Variants in SGCZ observed in about 807,000 individuals in gnomAD.
SGCZ encodes sarcoglycan zeta.
In SGCZ, 40 loss-of-function variants were observed where a neutral mutation model predicts 41.3. The observed-to-expected ratio is 0.97, with a 90% confidence interval of 0.75 to 1.26. The LOEUF (loss-of-function observed/expected upper bound fraction) is 1.26. Ranked by LOEUF, SGCZ falls within the 50% of genes most tolerant of loss-of-function variation. The pLI is 0.00. For synonymous variants in SGCZ, 206 were observed against 137.5 expected, an observed-to-expected ratio of 1.50 and a Z score of -3.49; for missense variants, 552 against 369.8, an observed-to-expected ratio of 1.49 and a Z score of -4.04.
At chr8:14,589,827 T>C (rs1170141660) in intron 1 of SGCZ, among the ~76,000 whole-genome samples, 1 of 152,182 alleles carries the variant, frequency 6.6e-6, no homozygotes, top group Non-Finnish European at 1.5e-5. Flanking sequence ...TTTATGTATG[T>C]GGAAATTAAG....
chr8:14,714,763 C>T (rs1228641732), intron 1 of SGCZ, among the ~76,000 whole-genome samples: 1 of 151,864 alleles, frequency 6.6e-6, no homozygotes, highest in Non-Finnish European at 1.5e-5. Context: ...AAGTGGTAAG[C>T]AGCTATATAT....
chr8:14,601,894 G>C (rs1034158334), intron 1 of SGCZ, among the ~76,000 whole-genome samples: 2 of 152,166 alleles, frequency 1.3e-5, no homozygotes, highest in African/African-American at 4.8e-5. Context: ...GCCGAGGCGG[G>C]CGGATCACGA....
At chr8:14,346,328 A>G (rs1359215847) in intron 2 of SGCZ, among the ~76,000 whole-genome samples, 1 of 152,120 alleles carries the variant, frequency 6.6e-6, no homozygotes, top group Non-Finnish European at 1.5e-5. Flanking sequence ...GAGATAAAAT[A>G]TACATTAGGA....
At chr8:14,165,830 C>T (rs371371471) in intron 4 of SGCZ, among the ~76,000 whole-genome samples, 4 of 152,020 alleles carry the variant, frequency 2.6e-5, no homozygotes, top group Admixed American at 6.6e-5. Context: ...GGAGATGTGT[C>T]GCTTCTAGTA....
chr8:14,517,613 T>C (rs1208586751), intron 2 of SGCZ, among the ~76,000 whole-genome samples: 1 of 152,156 alleles, frequency 6.6e-6, no homozygotes, highest in African/African-American at 2.4e-5. Context: ...AGTTTAGAAA[T>C]TATTACAAAA....
At chr8:15,050,972 T>G (rs549251525) in intron 1 of SGCZ, among the ~76,000 whole-genome samples, 1 of 152,206 alleles carries the variant, frequency 6.6e-6, no homozygotes, top group Non-Finnish European at 1.5e-5. Context: ...CCATTTGTAA[T>G]GTGTTGCAAA....
intron 1 of SGCZ, among the ~76,000 whole-genome samples, chr8:14,702,731 T>TGATAGATACATAGATA (rs1554483736): frequency 2.5e-4 from 23 of 91,200 alleles, no homozygotes; most frequent in African/African-American, 8.2e-4. Flanking sequence ...CTGGCTTCAA[T>TGATAGATACATAGATA]GATAGATAGA....
intron 3 of SGCZ, among the ~76,000 whole-genome samples, chr8:14,250,710 A>G (rs564886353): frequency 1.3e-5 from 2 of 152,200 alleles, no homozygotes; most frequent in South Asian, 4.2e-4. Flanking sequence ...ATCGTTTGTT[A>G]TTGGAGTTGG....
At chr8:14,945,665 A>G (rs997748843) in intron 1 of SGCZ, among the ~76,000 whole-genome samples, 6 of 148,980 alleles carry the variant, frequency 4.0e-5, no homozygotes, top group Non-Finnish European at 6.0e-5. Flanking sequence ...GAGATCTACA[A>G]TCAATGTGGG....
intron 1 of SGCZ, among the ~76,000 whole-genome samples, chr8:14,592,940 A>T (rs1805286223): frequency 6.6e-6 from 1 of 152,198 alleles, no homozygotes; most frequent in Non-Finnish European, 1.5e-5. Context: ...GATATTTCAG[A>T]CATCAGTTTC....
rs1585072231 is a variant in SGCZ at position 14,551,571 on chromosome 8, T to TATATA, written c.234+3156_234+3160dup. On this transcript the variant is annotated intron_variant, in intron 2 of 7. Transcript: ENST00000382080. ...TATATAATATATATTATATATATAA[T>TATATA]ATATATATAATATATATAATATATA... Among the ~76,000 whole-genome samples the TATATA allele has an allele frequency of 7.3e-3, 117 of 16,088 alleles. 7 individuals carry two copies. Among genetic ancestry groups the TATATA allele is most frequent in the East Asian group, 0.02 (6 of 298 alleles). The allele number at this position is 16,088 out of a possible 152,430, so 10.6% of individuals were successfully genotyped here. A position where few individuals can be genotyped will look rare whatever the true frequency, so the allele number is the denominator to read the frequency against.
chr8:14,458,993 G>C (rs1800825928), intron 2 of SGCZ, among the ~76,000 whole-genome samples: 1 of 152,242 alleles, frequency 6.6e-6, no homozygotes, highest in African/African-American at 2.4e-5. Context: ...ACTTGACAGA[G>C]ATTTCATTTG....
chr8:14,085,814 A>G lies in SGCZ; in HGVS notation c.*4629T>C, dbSNP rs1801507767. ...TTTATACAACTCAGGATCCTCCAAG[A>G]AGGATGTTTACTACCTCATGTTATA... is the stretch of plus-strand genomic sequence containing the variant. On this transcript the variant is annotated 3_prime_UTR_variant, in exon 8 of 8. Coordinates refer to ENST00000382080, the MANE Select transcript of SGCZ (RefSeq NM_139167.4). Among the ~76,000 whole-genome samples, 1 of 151,796 alleles carries G rather than the reference A, an allele frequency of 6.6e-6. No homozygotes were observed. The highest frequency in any genetic ancestry group is 2.4e-5 in the African/African-American group (1 of 41,416).
chr8:14,304,491 G>A (rs1356793040), intron 3 of SGCZ, among the ~76,000 whole-genome samples: 2 of 152,110 alleles, frequency 1.3e-5, no homozygotes, highest in African/African-American at 2.4e-5. Context: ...GTACTTAGGA[G>A]GCTGAGGTTG....
intron 4 of SGCZ, among the ~76,000 whole-genome samples, chr8:14,220,895 G>T (rs1475629857): frequency 6.6e-6 from 1 of 152,060 alleles, no homozygotes; most frequent in African/African-American, 2.4e-5. Flanking sequence ...TTCAAAATTT[G>T]TTATCTTAAG....
intron 1 of SGCZ, among the ~76,000 whole-genome samples, chr8:14,593,114 T>A (rs7845609): frequency 0.27 from 40,345 of 151,922 alleles, 5,604 homozygotes; most frequent in African/African-American, 0.34. Flanking sequence ...CAGATTCCAA[T>A]GCCTAGAACC....
chr8:14,612,655 G>A (rs1805966451), intron 1 of SGCZ, among the ~76,000 whole-genome samples: 1 of 151,990 alleles, frequency 6.6e-6, no homozygotes, highest in Admixed American at 6.6e-5. Context: ...ATAACAGGAA[G>A]GAGTTGTGTT....
intron 5 of SGCZ, among the ~76,000 whole-genome samples, chr8:14,149,417 C>T (rs2116947038): frequency 6.6e-6 from 1 of 152,026 alleles, no homozygotes; most frequent in Non-Finnish European, 1.5e-5. Context: ...AAATTCATCC[C>T]ATTTACAATA....
At chr8:14,185,332 G>C (rs1054692572) in intron 4 of SGCZ, among the ~76,000 whole-genome samples, 2 of 152,100 alleles carry the variant, frequency 1.3e-5, no homozygotes, top group Non-Finnish European at 1.5e-5. Flanking sequence ...GAACCAGGGA[G>C]GCGTAGGTTG....
Sources: allele counts gnomAD v4.1 joint callset (sites outside exome capture counted in the v4.1 genomes callset), GRCh38; gene constraint gnomAD v4.1.1; transcripts MANE v1.5; gene names NCBI Gene and HGNC (gene_info 2026-07-23, HGNC 2026-07-21).